ADCY9: variants seen among roughly 807,000 people sequenced by gnomAD.
The protein encoded by ADCY9 is adenylate cyclase 9.
Under a neutral mutation model 101.5 loss-of-function variants are expected in ADCY9, and 50 were observed. That is an observed-to-expected ratio of 0.49 (90% CI 0.39 to 0.62). The LOEUF is 0.62. ADCY9 is among the 20% of genes least tolerant of loss of function. The pLI, the probability that ADCY9 is intolerant of heterozygous loss-of-function variation, is 0.00. For synonymous variants in ADCY9, 905 were observed against 769.3 expected (o/e 1.18, Z -2.92); for missense variants, 1,662 against 1,800.4 (o/e 0.92, Z 1.39).
At chr16:4,046,439 C>G (rs1426560489) in intron 2 of ADCY9, among the ~76,000 whole-genome samples, 1 of 152,182 alleles carries the variant, frequency 6.6e-6, no homozygotes, top group Non-Finnish European at 1.5e-5. Flanking sequence ...GCACACGTTG[C>G]TTGTGTGTGT....
intron 2 of ADCY9, among the ~76,000 whole-genome samples, chr16:4,097,571 T>TTTTTTAAG (rs1555446039): frequency 7.5e-6 from 1 of 132,486 alleles, no homozygotes; most frequent in Non-Finnish European, 1.6e-5. Flanking sequence ...TTTTTTTTTT[T>TTTTTTAAG]AAGACAGAGT....
intron 2 of ADCY9, among the ~76,000 whole-genome samples, chr16:4,102,245 C>T (rs1276798764): frequency 6.6e-6 from 1 of 152,066 alleles, no homozygotes; most frequent in Non-Finnish European, 1.5e-5. Context: ...GACAGAGACA[C>T]CATCATTCCT....
chr16:3,967,332 TTTTC>T (rs1567413727), intron 10 of ADCY9, among the ~76,000 whole-genome samples: 2 of 145,956 alleles, frequency 1.4e-5, no homozygotes, highest in East Asian at 2.1e-4. Flanking sequence ...ATCGTTTTTC[TTTTC>T]TTTTTCTTTT....
intron 5 of ADCY9, among the ~76,000 whole-genome samples, 180 bp downstream of exon 5, chr16:3,991,966 G>A (rs1443049285): frequency 6.6e-6 from 1 of 151,988 alleles, no homozygotes; most frequent in East Asian, 1.9e-4. Flanking sequence ...AGCTACTTGG[G>A]AGGCTGAGGC....
At chr16:4,104,962 G>A (rs577152149) in intron 2 of ADCY9, among the ~76,000 whole-genome samples, 1 of 151,820 alleles carries the variant, frequency 6.6e-6, no homozygotes, top group African/African-American at 2.4e-5. Context: ...CCAGCTACTC[G>A]AGAGGCTGAG....
rs869169536 is a variant in ADCY9 at position 4,108,360 on chromosome 16, A to ATTTTTTTTT, written c.1693+5381_1693+5389dup. The stretch of plus-strand genomic sequence containing the variant: ...CTCACCTTAATCAGACCGTTTCTTC[A>ATTTTTTTTT]TTTTTTTTTTTTTTTTTTTTTTTTT... On this transcript the variant is annotated intron_variant, in intron 2 of 10. Coordinates refer to ENST00000294016, the MANE Select transcript of ADCY9 (RefSeq NM_001116.4). Among the ~76,000 whole-genome samples, 388 of 53,760 alleles carry ATTTTTTTTT rather than the reference A, an allele frequency of 7.2e-3. 58 individuals carry two copies. The highest frequency in any genetic ancestry group is 0.011 in the East Asian group (16 of 1,490). The allele number at this position is 53,760 out of a possible 152,430, so 35.3% of individuals were successfully genotyped here.
At chr16:4,054,166 G>T (rs1333364644) in intron 2 of ADCY9, 2 of 152,104 alleles carry the variant, frequency 1.3e-5, no homozygotes, top group Admixed American at 6.5e-5. Context: ...CGAGAATAGT[G>T]CCTGGCTCAC....
chr16:3,959,693 C>T (rs1329434748), downstream of ADCY9, among the ~76,000 whole-genome samples: 1 of 152,112 alleles, frequency 6.6e-6, no homozygotes, highest in Non-Finnish European at 1.5e-5. Flanking sequence ...ATTTAGATAA[C>T]TCACACATTA....
intron 2 of ADCY9, among the ~76,000 whole-genome samples, chr16:4,085,801 G>C (rs1437839308): frequency 2.0e-5 from 3 of 152,038 alleles, no homozygotes; most frequent in Admixed American, 1.3e-4. Context: ...CCAGACGTCT[G>C]TGTTTTGACT....
intron 6 of ADCY9, among the ~76,000 whole-genome samples, chr16:3,986,427 C>T (rs949113824): frequency 2.0e-5 from 3 of 152,164 alleles, no homozygotes; most frequent in South Asian, 2.1e-4. Context: ...TATCACCCTC[C>T]GAAACTCAGC....
intron 2 of ADCY9, among the ~76,000 whole-genome samples, chr16:4,011,668 C>T (rs1402136454): frequency 6.6e-6 from 1 of 152,168 alleles, no homozygotes; most frequent in Non-Finnish European, 1.5e-5. Flanking sequence ...TCATCTCTGC[C>T]TCTCAGTTTC....
intron 8 of ADCY9, among the ~76,000 whole-genome samples, chr16:3,978,840 C>G (rs1158489239): frequency 6.6e-6 from 1 of 152,196 alleles, no homozygotes; most frequent in Non-Finnish European, 1.5e-5. Flanking sequence ...CTGCCTCAGC[C>G]TCCCAAGTAG....
intron 2 of ADCY9, among the ~76,000 whole-genome samples, chr16:4,020,797 G>C (rs2056470968): frequency 6.7e-6 from 1 of 148,170 alleles, no homozygotes; most frequent in African/African-American, 2.5e-5. Flanking sequence ...CTGCACTCCA[G>C]CCTGGGCGAC....
chr16:4,047,652 G>T (rs1486414801), intron 2 of ADCY9, among the ~76,000 whole-genome samples: 1 of 151,952 alleles, frequency 6.6e-6, no homozygotes, highest in Non-Finnish European at 1.5e-5. Context: ...GACCAATCAG[G>T]TCCTTTGGTT....
rs777128676 is a variant in ADCY9 at position 3,983,275 on chromosome 16, C to T, written c.2476G>A (p.Ala826Thr). Reference sequence around the variant, plus strand: ...GACAGCACCTCCAGCAGCAGGGCTGCACTGAAGACCGCCAGGGCGGCGGGC... The same window carrying T: ...GACAGCACCTCCAGCAGCAGGGCTGTACTGAAGACCGCCAGGGCGGCGGGC... The part of the protein sequence containing the change: ...PPPAALAVFS[A>T]ALLLEVLSLA... The change falls in exon 7 of 11, where the codon GCA becomes ACA. Residue 826 changes from alanine to threonine, a missense_variant. Ala to Thr is a moderately conservative substitution (Grantham distance 58, BLOSUM62 0). Coordinates refer to ENST00000294016, the MANE Select transcript of ADCY9 (RefSeq NM_001116.4). 170 of 1,554,808 alleles carry T rather than the reference C, an allele frequency of 1.1e-4. 1 individual carries two copies. Among genetic ancestry groups the T allele is most frequent in the Admixed American group, 4.3e-4 (22 of 51,206 alleles).
chr16:3,993,590 C>T, intron 3 of ADCY9, 80 bp from the exon 4 acceptor site: 2 of 1,543,866 alleles, frequency 1.3e-6, no homozygotes, highest in African/African-American at 1.4e-5. Flanking sequence ...CCGCTGTTGC[C>T]ATCTGCCGTC....
intron 2 of ADCY9, among the ~76,000 whole-genome samples, chr16:4,010,259 G>A (rs1299366526): frequency 6.6e-6 from 1 of 152,210 alleles, no homozygotes; most frequent in Non-Finnish European, 1.5e-5. Flanking sequence ...TGTGGCTCCG[G>A]GACTGCAAGA....
At chr16:4,106,385 A>C (rs1183006844) in intron 2 of ADCY9, among the ~76,000 whole-genome samples, 1 of 152,178 alleles carries the variant, frequency 6.6e-6, no homozygotes, top group Non-Finnish European at 1.5e-5. Flanking sequence ...GATGCAGCCC[A>C]GTCCCTTCCC....
At chr16:3,985,754 G>A (rs967849631) in intron 6 of ADCY9, among the ~76,000 whole-genome samples, 2 of 151,992 alleles carry the variant, frequency 1.3e-5, no homozygotes, top group African/African-American at 4.8e-5. Context: ...CAGAGGCCCC[G>A]CTCCTCCCTC....
Sources: allele counts gnomAD v4.1 joint callset (sites outside exome capture counted in the v4.1 genomes callset), GRCh38; gene constraint gnomAD v4.1.1; transcripts MANE v1.5; gene names NCBI Gene and HGNC (gene_info 2026-07-23, HGNC 2026-07-21).